The following SPATA9 variants were observed in gnomAD, a reference collection of about 807,000 sequenced individuals.
SPATA9 encodes the protein spermatogenesis associated 9.
In SPATA9, 27 loss-of-function variants were observed where a neutral mutation model predicts 25.5. That is an observed-to-expected ratio of 1.06 (90% CI 0.78 to 1.46). SPATA9 has a LOEUF of 1.46. Ranked by LOEUF, SPATA9 falls within the 40% of genes most tolerant of loss-of-function variation. The pLI is 0.00. For missense variants in SPATA9, 282 were observed against 297.5 expected, an observed-to-expected ratio of 0.95 and a Z score of 0.38; for synonymous variants, 102 against 105.7, an observed-to-expected ratio of 0.97 and a Z score of 0.21.
At chr5:95,708,680 C>G in the SPATA9 span, 1 of 696,056 alleles carries the variant, frequency 1.4e-6, no homozygotes, top group South Asian at 1.5e-5. Context: ...TGTCCAAATC[C>G]TGCTGCAAGG....
At chr5:95,702,957 A>G (rs1388609904), upstream of SPATA9, among the ~76,000 whole-genome samples, 1 of 152,220 alleles carries the variant, frequency 6.6e-6, no homozygotes, top group African/African-American at 2.4e-5. Flanking sequence ...TATAGTTTGC[A>G]TTGACTTCAT....
chr5:95,710,748 ACCT>A, the SPATA9 span, among the ~76,000 whole-genome samples: 1 of 151,994 alleles, frequency 6.6e-6, no homozygotes, highest in Non-Finnish European at 1.5e-5. Context: ...TTCATTCTGT[ACCT>A]CTTGGATAGC....
chr5:95,673,056 T>G (rs1260073983), intron 3 of SPATA9, among the ~76,000 whole-genome samples: 1 of 152,200 alleles, frequency 6.6e-6, no homozygotes, highest in African/African-American at 2.4e-5. Context: ...CCCTGAAACA[T>G]GTACTTATAT....
At chr5:95,657,560 C>T (rs1016061955), downstream of SPATA9, 1 of 152,046 alleles carries the variant, frequency 6.6e-6, no homozygotes, top group Non-Finnish European at 1.5e-5. Context: ...AAATCTAATA[C>T]TTAACATTCT....
Position 95,682,530 on chromosome 5 carries a change from G to A in SPATA9, c.148C>T (p.Gln50Ter). 1 of 1,592,578 alleles carries A rather than the reference G, an allele frequency of 6.3e-7. No homozygotes were observed. Among genetic ancestry groups the A allele is most frequent in the Non-Finnish European group, 8.6e-7 (1 of 1,161,906 alleles). Reference protein sequence around the residue: ...PTILRLSQSNQKREPAQKTSK... With the variant: ...PTILRLSQSN ...TAAAGGTTATAAAATCACATTACCT[G>A]ATTAGACTGTGATAATCTTAGGATG... Residue 50 changes from glutamine to a stop codon, truncating the protein, a stop_gained and splice_region_variant, in exon 2 of 5, where the codon CAG becomes TAG. Coordinates refer to ENST00000274432, the MANE Select transcript of SPATA9 (RefSeq NM_031952.4). LOFTEE classifies it high-confidence loss of function.
At chr5:95,690,605 G>A (rs4464720) in intron 1 of SPATA9, among the ~76,000 whole-genome samples, 31,760 of 152,016 alleles carry the variant, frequency 0.21, 3,901 homozygotes, top group African/African-American at 0.35. Context: ...CTAATCTAGT[G>A]GTCAATATTG....
chr5:95,672,258 T>A (rs1401050038), intron 3 of SPATA9, among the ~76,000 whole-genome samples: 1 of 152,092 alleles, frequency 6.6e-6, no homozygotes, highest in African/African-American at 2.4e-5. Context: ...AGGAAGCTGG[T>A]CTCCATGTGG....
chr5:95,683,466 C>T (rs923176245), upstream of SPATA9, among the ~76,000 whole-genome samples: 11 of 152,226 alleles, frequency 7.2e-5, no homozygotes, highest in Admixed American at 1.3e-4. Flanking sequence ...TTAGTTCCCC[C>T]GATCAAATAT....
chr5:95,690,891 A>C (rs913818126), intron 1 of SPATA9, among the ~76,000 whole-genome samples: 4 of 152,216 alleles, frequency 2.6e-5, no homozygotes, highest in East Asian at 1.9e-4. Flanking sequence ...TTTATTTTTT[A>C]ATCTATATAT....
the SPATA9 span, chr5:95,731,279 C>A: frequency 9.8e-7 from 1 of 1,019,112 alleles, no homozygotes; most frequent in Non-Finnish European, 1.2e-6. Context: ...GGGGCGGAGG[C>A]CCCGATCTCC....
At chr5:95,675,220 T>C (rs1752810480) in intron 3 of SPATA9, among the ~76,000 whole-genome samples, 192 bp downstream of exon 3, 1 of 152,184 alleles carries the variant, frequency 6.6e-6, no homozygotes, top group African/African-American at 2.4e-5. Flanking sequence ...TTCATATAGT[T>C]CAATTAAACA....
Position 95,664,139 on chromosome 5 carries a change from T to C in SPATA9, c.379-91A>G. ...AATGTTACTGTAAAATGAGAATTTA[T>C]TTTTTTCTAAAGAAAGTCATCTACT... On this transcript the variant is annotated intron_variant, in intron 3 of 4. Coordinates refer to ENST00000274432, the MANE Select transcript of SPATA9 (RefSeq NM_031952.4). The C allele has an allele frequency of 4.4e-6, 3 of 678,828 alleles. No homozygotes were observed. In the South Asian group the frequency reaches 1.2e-4, roughly 27 times the overall value. The allele number at this position is 678,828 out of a possible 1,614,324, so 42.1% of individuals were successfully genotyped here.
At chr5:95,660,147 G>A (rs1751135513) in intron 4 of SPATA9, among the ~76,000 whole-genome samples, 1 of 152,136 alleles carries the variant, frequency 6.6e-6, no homozygotes, top group Non-Finnish European at 1.5e-5. Flanking sequence ...GGAAATCCGA[G>A]ATCAAGGCAC....
rs537707125 is a variant in SPATA9 at position 95,658,510 on chromosome 5, T to C, written c.*113A>G. 35 of 1,392,368 alleles carry C rather than the reference T, an allele frequency of 2.5e-5. 1 individual carries two copies. The highest frequency in any genetic ancestry group is 3.2e-5 in the Non-Finnish European group (34 of 1,059,948). The allele number at this position is 1,392,368 out of a possible 1,614,324, so 86.3% of individuals were successfully genotyped here. ...CATTTTAATAGTAGCCCCCTTCTCTTTTTTTTAAGAAAGCAGAGCAATTCA... is the reference window on the plus strand; with the variant it reads ...CATTTTAATAGTAGCCCCCTTCTCTCTTTTTTAAGAAAGCAGAGCAATTCA... On this transcript the variant is annotated 3_prime_UTR_variant, in exon 5 of 5. Transcript: ENST00000274432.
the SPATA9 span, among the ~76,000 whole-genome samples, chr5:95,729,503 T>C: frequency 1.3e-5 from 2 of 152,258 alleles, no homozygotes. Context: ...ATAGTTACCA[T>C]GTTAATCATG....
At chr5:95,730,926 G>C in the SPATA9 span, 56 of 459,798 alleles carry the variant, frequency 1.2e-4, no homozygotes, top group African/African-American at 9.0e-4. Flanking sequence ...GGCCAAGAGG[G>C]GGGGAAATCG....
At chr5:95,700,068 T>G (rs865967887), upstream of SPATA9, among the ~76,000 whole-genome samples, 1 of 152,084 alleles carries the variant, frequency 6.6e-6, no homozygotes, top group Admixed American at 6.6e-5. Context: ...AAAAAACTTA[T>G]GAAAATATTA....
At chr5:95,699,486 A>G (rs1269595785), upstream of SPATA9, among the ~76,000 whole-genome samples, 3 of 152,242 alleles carry the variant, frequency 2.0e-5, no homozygotes, top group Non-Finnish European at 4.4e-5. Flanking sequence ...CTGAAGAGGA[A>G]TCAAGACTAA....
At chr5:95,652,504 A>C (rs1043233372), downstream of SPATA9, 1 of 813,804 alleles carries the variant, frequency 1.2e-6, no homozygotes, top group African/African-American at 1.7e-5. Flanking sequence ...TCCATTCTGC[A>C]AAAATACCAT....
Sources: allele counts gnomAD v4.1 joint callset (sites outside exome capture counted in the v4.1 genomes callset), GRCh38; gene constraint gnomAD v4.1.1; transcripts MANE v1.5; gene names NCBI Gene and HGNC (gene_info 2026-07-23, HGNC 2026-07-21).